EXTL3: variants seen among roughly 807,000 people sequenced by gnomAD.
EXTL3 encodes the protein exostosin-like 3.
Under a neutral mutation model 69.3 loss-of-function variants are expected in EXTL3, and 27 were observed. That is an observed-to-expected ratio of 0.39 (90% CI 0.29 to 0.54). The LOEUF (loss-of-function observed/expected upper bound fraction) is 0.54, where lower values mean the gene tolerates loss of function less well. Among genes scored for constraint, EXTL3 ranks in the 20% least tolerant of loss-of-function variants. The pLI, the probability that EXTL3 is intolerant of heterozygous loss-of-function variation, is 0.69. For missense variants in EXTL3, 1,003 were observed against 1,231.8 expected (o/e 0.81, Z 2.78); for synonymous variants, 511 against 499.4 (o/e 1.02, Z -0.31).
chr8:28,642,815 G>C (rs562758678), intron 1 of EXTL3, among the ~76,000 whole-genome samples: 1 of 152,024 alleles, frequency 6.6e-6, no homozygotes, highest in East Asian at 1.9e-4. Flanking sequence ...GCAGAAAATT[G>C]ATTTTTGGGA....
chr8:28,657,351 T>C lies in EXTL3; in HGVS notation c.-53+34541T>C, dbSNP rs577883143. On this transcript the variant is annotated intron_variant, in intron 1 of 6. Transcript: ENST00000523149. ...GGGGAGGAGCTATTGGCCTTGCCAG[T>C]GCACTGAGTAACGCAGTCATCTCTG... 2.2e-3 allele frequency among the ~76,000 whole-genome samples: 330 copies of C among 152,340 alleles called. 2 individuals carry two copies. The highest frequency in any genetic ancestry group is 7.6e-3 in the African/African-American group (318 of 41,572).
rs571403688 is a variant in EXTL3, at chr8:28,737,050, A to G, written c.2277-469A>G. Among the ~76,000 whole-genome samples, 17 of 152,324 alleles carry G rather than the reference A, an allele frequency of 1.1e-4. No individual in the cohort carries two copies. The South Asian group carries it at 3.1e-3, about 28-fold the overall frequency. On this transcript the variant is annotated intron_variant, in intron 4 of 6. Coordinates refer to ENST00000220562, the MANE Select transcript of EXTL3 (RefSeq NM_001440.4). ...GGTCTCCAGCTCCTTGCTTCAAGCA[A>G]TCCTCCTGTGTTGGCCTCCCAAGTG...
chr8:28,726,612 C>T (rs1801417414), intron 3 of EXTL3, among the ~76,000 whole-genome samples: 1 of 152,116 alleles, frequency 6.6e-6, no homozygotes, highest in Admixed American at 6.6e-5. Context: ...TGGGGGCTGT[C>T]TTGTGCACTA....
chr8:28,741,126 C>G (rs1279211559), intron 5 of EXTL3: 1 of 152,184 alleles, frequency 6.6e-6, no homozygotes, highest in Non-Finnish European at 1.5e-5. Flanking sequence ...TCTCGAACTC[C>G]TGACCTCAAG....
At position 28,623,148 on chromosome 8, in the gene EXTL3, C is replaced by A. The variant is rs1276103166; in HGVS notation, c.-53+338C>A. ...GTGAGAACTGGGAGAGTGTGGCTGTCGGCAGGGGTCCGTATCACACTGTGG... is the reference window on the plus strand; with the variant it reads ...GTGAGAACTGGGAGAGTGTGGCTGTAGGCAGGGGTCCGTATCACACTGTGG... On this transcript the variant is annotated intron_variant, in intron 1 of 6. Transcript: ENST00000523149. The surrounding 1 kb of genome is among the most constrained non-coding windows in gnomAD (Gnocchi z 4.2). 6.6e-6 allele frequency among the ~76,000 whole-genome samples: 1 copy of A among 151,976 alleles called. No homozygotes were observed. Among genetic ancestry groups the A allele is most frequent in the African/African-American group, 2.4e-5 (1 of 41,390 alleles).
chr8:28,688,137 C>T (rs1800556074), intron 1 of EXTL3, among the ~76,000 whole-genome samples: 1 of 151,144 alleles, frequency 6.6e-6, no homozygotes, highest in Admixed American at 6.6e-5. Flanking sequence ...TCTTGGCTCA[C>T]TGCAACCTCT....
At chr8:28,709,531 T>G (rs1800990337) in intron 1 of EXTL3, among the ~76,000 whole-genome samples, 2 of 152,114 alleles carry the variant, frequency 1.3e-5, no homozygotes, top group African/African-American at 2.4e-5. Context: ...GGTGAGTGTT[T>G]TAGTGTAGTT....
chr8:28,750,678 C>T lies in EXTL3; in HGVS notation c.2572C>T (p.Arg858Ter), dbSNP rs753685451. The change falls in exon 7 of 7, where the codon CGA becomes TGA. Residue 858 changes from arginine (R) to a stop codon, truncating the protein, a stop_gained. Transcript: ENST00000220562. LOFTEE classifies it high-confidence loss of function. This position sits in a 1 kb window ranked among gnomAD's most constrained non-coding sequence, Gnocchi z 5.2. ...PIKVTSRWTFRCPGCPQALSH... is the reference protein window; with the variant it reads ...PIKVTSRWTF The stretch of plus-strand genomic sequence containing the variant: ...CCAGGTGACCTCACGGTGGACATTC[C>T]GATGCCCAGGATGCCCTCAGGCCCT... 6.2e-7 allele frequency: 1 copy of T among 1,614,074 alleles called. No individual in the cohort carries two copies. The highest frequency in any genetic ancestry group is 8.5e-7 in the Non-Finnish European group (1 of 1,179,954).
intron 1 of EXTL3, among the ~76,000 whole-genome samples, chr8:28,647,189 C>T (rs1806845425): frequency 6.6e-6 from 1 of 151,770 alleles, no homozygotes; most frequent in African/African-American, 2.4e-5. Flanking sequence ...ACTACAACCT[C>T]CTCTTCCTGG....
chr8:28,733,252 A>G (rs1159684228), intron 4 of EXTL3, among the ~76,000 whole-genome samples: 1 of 151,970 alleles, frequency 6.6e-6, no homozygotes, highest in Non-Finnish European at 1.5e-5. Flanking sequence ...CCCATATTGC[A>G]TTCTCACCAG....
At chr8:28,675,885 G>A (rs570175867) in intron 1 of EXTL3, among the ~76,000 whole-genome samples, 12 of 152,084 alleles carry the variant, frequency 7.9e-5, no homozygotes, top group East Asian at 7.7e-4. Context: ...AGCTGGGTGC[G>A]GTGGTGCACG....
chr8:28,707,875 A>G (rs540597075), intron 1 of EXTL3, among the ~76,000 whole-genome samples: 1 of 152,220 alleles, frequency 6.6e-6, no homozygotes, highest in African/African-American at 2.4e-5. Flanking sequence ...CAATGGCATA[A>G]TTTTCAAATT....
chr8:28,693,517 A>G (rs1261691070), intron 1 of EXTL3, among the ~76,000 whole-genome samples: 1 of 151,178 alleles, frequency 6.6e-6, no homozygotes, highest in Admixed American at 6.6e-5. Flanking sequence ...TTTTTTTTTT[A>G]TAGCCACATG....
At chr8:28,657,715 A>G (rs969108165) in intron 1 of EXTL3, among the ~76,000 whole-genome samples, 1 of 152,110 alleles carries the variant, frequency 6.6e-6, no homozygotes, top group Non-Finnish European at 1.5e-5. Flanking sequence ...AAGCACATCA[A>G]AGCATAAAGA....
At position 28,752,231 on chromosome 8, in the gene EXTL3, A is replaced by T. The variant is rs1402690928; in HGVS notation, c.*1365A>T. ...TTCTGTTCCCTGGGCTGAAACTGAA[A>T]TAAGCTAATTTTTTGGGTCACGGTG... On this transcript the variant is annotated 3_prime_UTR_variant, in exon 7 of 7. Transcript: ENST00000220562. 1 of 152,372 alleles carries T rather than the reference A, an allele frequency of 6.6e-6. No individual in the cohort carries two copies. The highest frequency in any genetic ancestry group is 2.4e-5 in the African/African-American group (1 of 41,436). The allele number at this position is 152,372 out of a possible 1,614,324, so 9.4% of individuals were successfully genotyped here.
At chr8:28,664,810 G>A (rs889363405) in intron 1 of EXTL3, among the ~76,000 whole-genome samples, 1 of 152,118 alleles carries the variant, frequency 6.6e-6, no homozygotes, top group African/African-American at 2.4e-5. Context: ...TCACAAGAAT[G>A]CAACACCATT....
intron 2 of EXTL3, among the ~76,000 whole-genome samples, chr8:28,714,566 T>G (rs540477529): frequency 6.6e-6 from 1 of 152,238 alleles, no homozygotes; most frequent in Non-Finnish European, 1.5e-5. Context: ...CCCACAGTTA[T>G]ACTTAGCATG....
intron 5 of EXTL3, chr8:28,740,365 C>A (rs1054624584): frequency 1.3e-5 from 2 of 152,254 alleles, no homozygotes; most frequent in African/African-American, 4.8e-5. Context: ...CTCCCTGCAA[C>A]CTCCACCTCC....
intron 2 of EXTL3, among the ~76,000 whole-genome samples, chr8:28,609,209 T>C (rs1281668082): frequency 6.6e-6 from 1 of 152,088 alleles, no homozygotes; most frequent in Admixed American, 6.6e-5. Flanking sequence ...AGAAATAGCC[T>C]GGGGCCGTCA....
Sources: gnomAD v4.1 joint callset for allele counts (sites outside exome capture counted in the v4.1 genomes callset) on GRCh38, gnomAD v4.1.1 for gene constraint, Gnocchi (gnomAD v3.1) non-coding constraint, MANE v1.5 for transcripts, NCBI Gene and HGNC (gene_info 2026-07-23, HGNC 2026-07-21) for gene names.